The following SBF2 variants were observed in gnomAD, a reference collection of about 807,000 sequenced individuals.
SBF2 encodes myotubularin-related protein 13.
In SBF2, 112 loss-of-function variants were observed where a neutral mutation model predicts 225.2. That is an observed-to-expected ratio of 0.50 (90% CI 0.43 to 0.58). The LOEUF (loss-of-function observed/expected upper bound fraction) is 0.58. SBF2 is among the 20% of genes least tolerant of loss of function. The pLI, the probability that SBF2 is intolerant of heterozygous loss-of-function variation, is 0.00. For synonymous variants in SBF2, 763 were observed against 773.3 expected (o/e 0.99, Z 0.22); for missense variants, 1,996 against 2,206.2 (o/e 0.90, Z 1.91).
chr11:9,892,256 C>T (rs1207618964), intron 17 of SBF2, among the ~76,000 whole-genome samples: 2 of 151,932 alleles, frequency 1.3e-5, no homozygotes, highest in East Asian at 3.9e-4. Context: ...GTAGCTGGGA[C>T]TATAGGCACA....
At chr11:10,221,789 A>C (rs1958348028) in intron 1 of SBF2, among the ~76,000 whole-genome samples, 1 of 152,152 alleles carries the variant, frequency 6.6e-6, no homozygotes. Context: ...TTGGAAGAGT[A>C]TGGTATTAGG....
rs35451800 is a variant in SBF2, at chr11:9,875,959, A to ATT, written c.1930-17565_1930-17564dup. Among the ~76,000 whole-genome samples, 108 of 149,324 alleles carry ATT rather than the reference A, an allele frequency of 7.2e-4. 1 individual carries two copies. The highest frequency in any genetic ancestry group is 1.7e-3 in the African/African-American group (71 of 40,756). On this transcript the variant is annotated intron_variant, in intron 17 of 39. Transcript: ENST00000256190. Reference sequence around the variant, plus strand: ...CACTGAGTTAGAATAAACCTCAGAGATTTTTTTTTTTTCACTAATACATGG... The same window carrying ATT: ...CACTGAGTTAGAATAAACCTCAGAGATTTTTTTTTTTTTTCACTAATACATGG...
chr11:9,989,594 A>C lies in SBF2; in HGVS notation c.1298T>G (p.Leu433Trp). Residue 433 changes from leucine (L) to tryptophan (W), a missense_variant and splice_region_variant, in exon 13 of 40, where the codon TTG becomes TGG. Physicochemically the swap from Leu to Trp is moderately conservative, Grantham distance 61. Transcript: ENST00000256190. ...AATTCTCTCTACTTCAAAGGCTACC[A>C]ACTAGGAAAAAGAATCAAATGGCAA... ...PYRSCDLFDELVAFEVERIKV... is the reference protein window; with the variant it reads ...PYRSCDLFDEWVAFEVERIKV... The C allele has an allele frequency of 6.4e-7, 1 of 1,565,172 alleles. No homozygotes were observed. Among genetic ancestry groups the C allele is most frequent in the Non-Finnish European group, 8.8e-7 (1 of 1,138,092 alleles).
intron 17 of SBF2, among the ~76,000 whole-genome samples, chr11:9,879,858 C>T (rs746288751): frequency 2.6e-5 from 4 of 151,858 alleles, no homozygotes; most frequent in Admixed American, 6.6e-5. Context: ...CCAAGATGGG[C>T]GGATCACTTG....
At chr11:9,941,595 A>C (rs1377778070) in intron 16 of SBF2, among the ~76,000 whole-genome samples, 1 of 152,238 alleles carries the variant, frequency 6.6e-6, no homozygotes, top group Admixed American at 6.5e-5. Context: ...CTGTACAAAA[A>C]GCATTTCATA....
At chr11:10,132,003 T>C (rs982552858) in intron 2 of SBF2, among the ~76,000 whole-genome samples, 20 of 152,218 alleles carry the variant, frequency 1.3e-4, no homozygotes, top group African/African-American at 4.6e-4. Flanking sequence ...TTCAGTCTAT[T>C]ATCCATTTTG....
intron 2 of SBF2, among the ~76,000 whole-genome samples, chr11:10,165,451 T>C (rs888077847): frequency 2.0e-5 from 3 of 152,202 alleles, no homozygotes; most frequent in Non-Finnish European, 4.4e-5. Flanking sequence ...CATGGCCCCA[T>C]TAGCAATAGT....
At chr11:10,008,189 G>C (rs1214825630) in intron 6 of SBF2, among the ~76,000 whole-genome samples, 1 of 152,170 alleles carries the variant, frequency 6.6e-6, no homozygotes, top group African/African-American at 2.4e-5. Flanking sequence ...AGGGATAAAA[G>C]CTAGCAGAAC....
intron 2 of SBF2, among the ~76,000 whole-genome samples, chr11:10,140,090 G>A (rs1954569178): frequency 6.6e-6 from 1 of 152,228 alleles, no homozygotes; most frequent in African/African-American, 2.4e-5. Flanking sequence ...TCCCGGCACA[G>A]TGCTTCTAAA....
At chr11:10,022,978 C>T (rs1948917492) in intron 6 of SBF2, among the ~76,000 whole-genome samples, 1 of 152,100 alleles carries the variant, frequency 6.6e-6, no homozygotes, top group Admixed American at 6.6e-5. Context: ...TATAACGGCA[C>T]ATAATACTTG....
At chr11:9,888,346 T>A (rs559470942) in intron 17 of SBF2, among the ~76,000 whole-genome samples, 17 of 151,694 alleles carry the variant, frequency 1.1e-4, no homozygotes, top group East Asian at 5.8e-4. Context: ...AAGAAAAAAA[T>A]TTTTTTAAAT....
chr11:9,955,366 TA>T (rs1281320020), intron 16 of SBF2, among the ~76,000 whole-genome samples: 1 of 152,084 alleles, frequency 6.6e-6, no homozygotes, highest in Non-Finnish European at 1.5e-5. Context: ...CTACTTTATG[TA>T]ACTTCCCTTT....
At position 9,850,150 on chromosome 11, in the gene SBF2, C is replaced by T; in HGVS notation, c.2679G>A (p.Leu893=). Residue 893 remains leucine (L), a synonymous_variant, in exon 22 of 40, where the codon CTG becomes CTA. Coordinates refer to ENST00000256190, the MANE Select transcript of SBF2 (RefSeq NM_030962.4). The part of the protein sequence containing the change: ...EIVCEGLRVL[L]DPDGREEATG... ...TAGCTTCTTCTCTTCCATCAGGATC[C>T]AGCAAGACTCGAAGACCCTCACAGA... 6.2e-7 allele frequency: 1 copy of T among 1,614,110 alleles called. No individual in the cohort carries two copies. Among genetic ancestry groups the T allele is most frequent in the South Asian group, 1.1e-5 (1 of 91,074 alleles).
chr11:9,890,309 T>C (rs1412146115), intron 17 of SBF2, among the ~76,000 whole-genome samples: 2 of 152,246 alleles, frequency 1.3e-5, no homozygotes, highest in African/African-American at 2.4e-5. Flanking sequence ...CTAAAATTAC[T>C]AATACACACA....
At chr11:10,231,510 T>C (rs768451354) in intron 1 of SBF2, among the ~76,000 whole-genome samples, 8 of 152,206 alleles carry the variant, frequency 5.3e-5, no homozygotes, top group Non-Finnish European at 8.8e-5. Flanking sequence ...TTCTGTTTGT[T>C]ACTTTTCCTT....
chr11:10,042,902 T>C lies in SBF2; in HGVS notation c.221A>G (p.Asp74Gly). Residue 74 changes from aspartate (D) to glycine (G), a missense_variant, in exon 3 of 40, where the codon GAC (aspartate) becomes GGC (glycine). Transcript: ENST00000256190. The part of the protein sequence containing the change: ...TFFVVVLTDI[D>G]SDRHYCSCLT... Reference sequence around the variant, plus strand: ...GCATGAGCAGTAATGTCGATCTGAGTCAATGTCTGTCAGGACAACCACAAA... The same window carrying C: ...GCATGAGCAGTAATGTCGATCTGAGCCAATGTCTGTCAGGACAACCACAAA... 6.2e-7 allele frequency: 1 copy of C among 1,613,978 alleles called. No homozygotes were observed. The highest frequency in any genetic ancestry group is 1.1e-5 in the South Asian group (1 of 91,076).
rs182465979 is a variant in SBF2, at chr11:10,229,442, T to C, written c.56-35455A>G. The stretch of plus-strand genomic sequence containing the variant: ...TTTAGATCTTTCCTCCTTTCTCTTA[T>C]GGGCATTTAGTGCTATAACTTTCCC... On this transcript the variant is annotated intron_variant, in intron 1 of 39. Coordinates refer to ENST00000256190, the MANE Select transcript of SBF2 (RefSeq NM_030962.4). Among the ~76,000 whole-genome samples, 60 of 152,368 alleles carry C rather than the reference T, an allele frequency of 3.9e-4. 1 individual carries two copies. The East Asian group carries it at 0.01, about 26-fold the overall frequency.
Position 9,808,232 on chromosome 11 carries a change from A to C in SBF2, c.4258-47T>G, listed in dbSNP as rs747164479. The C allele has an allele frequency of 4.6e-6, 7 of 1,524,722 alleles. No individual in the cohort carries two copies. The South Asian group carries it at 8.0e-5, about 17-fold the overall frequency. 94.4% of individuals were successfully genotyped at this position (1,524,722 alleles called of 1,614,324 possible). On this transcript the variant is annotated intron_variant, in intron 31 of 39. Transcript: ENST00000256190. ...TTGTCATTAATTTTAGTTCTGAAAA[A>C]GGCCTATTACTAAGATAAAAGCACT...
chr11:10,192,131 T>C (rs1957199386), intron 2 of SBF2, among the ~76,000 whole-genome samples: 1 of 152,164 alleles, frequency 6.6e-6, no homozygotes, highest in African/African-American at 2.4e-5. Flanking sequence ...AAAGCTTTTA[T>C]AGAACAAATG....
Sources: gnomAD v4.1 joint callset for allele counts (sites outside exome capture counted in the v4.1 genomes callset) on GRCh38, gnomAD v4.1.1 for gene constraint, MANE v1.5 for transcripts, NCBI Gene and HGNC (gene_info 2026-07-23, HGNC 2026-07-21) for gene names.